Variants in CBLB observed in about 807,000 individuals in gnomAD.
CBLB encodes Cbl proto-oncogene B, also known as E3 ubiquitin-protein ligase CBL-B.
CBLB carries 31 observed loss-of-function variants against 104.9 expected under a neutral mutation model. That is an observed-to-expected ratio of 0.30 (90% confidence interval 0.22 to 0.40). The LOEUF (loss-of-function observed/expected upper bound fraction) is 0.40, where lower values mean the gene tolerates loss of function less well. Ranked by LOEUF, CBLB falls within the 10% of genes least tolerant of loss-of-function variation. The probability of loss-of-function intolerance (pLI) is 1.00; values close to 1 mark genes in which losing one functional copy is unlikely to be tolerated. For synonymous variants in CBLB, 440 were observed against 422.6 expected, an observed-to-expected ratio of 1.04 and a Z score of -0.51; for missense variants, 1,062 against 1,214.6, an observed-to-expected ratio of 0.87 and a Z score of 1.87.
At chr3:105,832,882 A>G (rs2087785744) in intron 3 of CBLB, among the ~76,000 whole-genome samples, 1 of 152,250 alleles carries the variant, frequency 6.6e-6, no homozygotes, top group East Asian at 1.9e-4. Flanking sequence ...ACTGGAAAGA[A>G]CACAGCAGAA....
At chr3:105,700,789 C>A (rs1431041105) in intron 12 of CBLB, among the ~76,000 whole-genome samples, 1 of 152,158 alleles carries the variant, frequency 6.6e-6, no homozygotes, top group Non-Finnish European at 1.5e-5. Context: ...CTCTTCCTTT[C>A]CTGGCTACCC....
At position 105,720,216 on chromosome 3, in the gene CBLB, C is replaced by G; in HGVS notation, c.1238G>C (p.Cys413Ser). The G allele has an allele frequency of 6.2e-7, 1 of 1,613,618 alleles. No homozygotes were observed. The highest frequency in any genetic ancestry group is 8.5e-7 in the Non-Finnish European group (1 of 1,179,864). The change falls in exon 10 of 19, where the codon TGT (cysteine) becomes TCT (serine). Residue 413 changes from cysteine (C) to serine (S), a missense_variant. Physicochemically the swap from Cys to Ser is moderately radical, Grantham distance 112 (BLOSUM62 -1). Around this residue, in one of 2 missense-constraint regions of CBLB, gnomAD observed 457 missense variants for 632.0 expected, o/e 0.72. Coordinates refer to ENST00000394030, the MANE Select transcript of CBLB (RefSeq NM_170662.5). ...SDGQGCPFCR[C>S]EIKGTEPIIV... ...TATGGGCTCAGTTCCTTTTATTTCACAACGACAGAAAGGGCAGCCCTGACC... is the reference window on the plus strand; with the variant it reads ...TATGGGCTCAGTTCCTTTTATTTCAGAACGACAGAAAGGGCAGCCCTGACC...
At chr3:105,854,891 A>C (rs1393972697) in intron 2 of CBLB, among the ~76,000 whole-genome samples, 1 of 152,100 alleles carries the variant, frequency 6.6e-6, no homozygotes, top group Non-Finnish European at 1.5e-5. Context: ...TCGGCCTCCC[A>C]AAGTGCTGGG....
intron 9 of CBLB, among the ~76,000 whole-genome samples, chr3:105,722,343 T>C (rs1024949120): frequency 2.6e-5 from 4 of 152,060 alleles, no homozygotes; most frequent in Non-Finnish European, 4.4e-5. Context: ...AAAATTATTA[T>C]AGAAAATCTC....
intron 5 of CBLB, among the ~76,000 whole-genome samples, chr3:105,749,920 TC>T (rs2076440453): frequency 1.3e-5 from 2 of 152,124 alleles, no homozygotes; most frequent in South Asian, 4.1e-4. Flanking sequence ...TTTAAAATAA[TC>T]AAAAGCACAC....
chr3:105,735,655 A>T (rs1322711963), intron 8 of CBLB, among the ~76,000 whole-genome samples: 1 of 152,240 alleles, frequency 6.6e-6, no homozygotes, highest in Non-Finnish European at 1.5e-5. Context: ...TATTAAATTT[A>T]AAATGGCAAT....
intron 2 of CBLB, among the ~76,000 whole-genome samples, chr3:105,855,909 T>C (rs771305300): frequency 6.2e-4 from 94 of 152,134 alleles, no homozygotes; most frequent in Admixed American, 1.8e-3. Context: ...TCAGGGGACA[T>C]AAAACATGGA....
At chr3:105,698,853 G>A (rs2068730201) in intron 12 of CBLB, among the ~76,000 whole-genome samples, 2 of 151,924 alleles carry the variant, frequency 1.3e-5, no homozygotes, top group South Asian at 4.2e-4. Flanking sequence ...TCCTTTTCTT[G>A]TTGTATATGA....
chr3:105,843,499 G>C (rs1399063385), intron 3 of CBLB, among the ~76,000 whole-genome samples: 1 of 151,786 alleles, frequency 6.6e-6, no homozygotes, highest in Non-Finnish European at 1.5e-5. Context: ...GAAATAACCA[G>C]GGCTATTAAT....
intron 3 of CBLB, among the ~76,000 whole-genome samples, chr3:105,806,303 G>T (rs1004314810): frequency 3.3e-5 from 5 of 152,066 alleles, no homozygotes; most frequent in African/African-American, 1.2e-4. Flanking sequence ...ACATACTCAT[G>T]TAAATACCTT....
intron 4 of CBLB, among the ~76,000 whole-genome samples, chr3:105,769,273 G>C (rs912066147): frequency 6.6e-6 from 1 of 152,048 alleles, no homozygotes; most frequent in African/African-American, 2.4e-5. Context: ...AGCCGAGATG[G>C]CGCCATTGCA....
chr3:105,864,918 T>C (rs1560589770), intron 2 of CBLB, among the ~76,000 whole-genome samples: 2 of 151,870 alleles, frequency 1.3e-5, no homozygotes, highest in African/African-American at 4.8e-5. Context: ...TGTTCATATT[T>C]ATACTTCCAA....
intron 3 of CBLB, among the ~76,000 whole-genome samples, chr3:105,794,605 T>A (rs539239421): frequency 6.6e-6 from 1 of 152,156 alleles, no homozygotes; most frequent in Non-Finnish European, 1.5e-5. Flanking sequence ...GGGGCTAGAA[T>A]TGAGTCTTTG....
At chr3:105,784,953 T>C (rs1413024894) in intron 3 of CBLB, among the ~76,000 whole-genome samples, 1 of 152,232 alleles carries the variant, frequency 6.6e-6, no homozygotes, top group Non-Finnish European at 1.5e-5. Context: ...TCTCAGCCTG[T>C]TGAATTCTCA....
chr3:105,858,565 T>G (rs559802718), intron 2 of CBLB, among the ~76,000 whole-genome samples: 2 of 152,230 alleles, frequency 1.3e-5, no homozygotes, highest in East Asian at 1.9e-4. Context: ...TATAAAATGA[T>G]GAACTTTGTA....
intron 4 of CBLB, among the ~76,000 whole-genome samples, chr3:105,772,840 G>T (rs897379176): frequency 8.5e-5 from 13 of 152,274 alleles, no homozygotes; most frequent in African/African-American, 3.1e-4. Context: ...CTGCAACAAT[G>T]ACCATAATTA....
At chr3:105,829,703 C>CAAAAAAAAAAAAAAAAAAAAAAA (rs1553844797) in intron 3 of CBLB, among the ~76,000 whole-genome samples, 1 of 60,104 alleles carries the variant, frequency 1.7e-5, no homozygotes, top group Non-Finnish European at 3.6e-5. Flanking sequence ...AAAAAAAAAC[C>CAAAAAAAAAAAAAAAAAAAAAAA]AAACTGCAGC....
At chr3:105,773,852 C>G (rs1245040522) in intron 4 of CBLB, among the ~76,000 whole-genome samples, 1 of 152,190 alleles carries the variant, frequency 6.6e-6, no homozygotes, top group East Asian at 1.9e-4. Flanking sequence ...TGACCATAAA[C>G]AGAATCCCCC....
At chr3:105,704,259 A>C (rs2069721036) in intron 10 of CBLB, 86 bp from the exon 11 acceptor site, 4 of 1,274,498 alleles carry the variant, frequency 3.1e-6, no homozygotes, top group Non-Finnish European at 4.6e-6. Context: ...GGTTGGAAGA[A>C]GGTTTCTGGC....
Sources: gnomAD v4.1 joint callset for allele counts (sites outside exome capture counted in the v4.1 genomes callset) on GRCh38, gnomAD v4.1.1 for gene constraint, gnomAD v4.1.1 regional missense constraint, MANE v1.5 for transcripts, NCBI Gene and HGNC (gene_info 2026-07-23, HGNC 2026-07-21) for gene names.